The following AGMO variants were observed in gnomAD, a reference collection of about 807,000 sequenced individuals.
AGMO encodes the protein glyceryl-ether monooxygenase.
In AGMO, 75 loss-of-function variants were observed where a neutral mutation model predicts 60.2. That is an observed-to-expected ratio of 1.25 (90% CI 1.03 to 1.51). The LOEUF is 1.51. AGMO is among the 40% of genes most tolerant of loss of function. AGMO has a pLI of 0.00. For synonymous variants in AGMO, 261 were observed against 177.1 expected (o/e 1.47, Z -3.76); for missense variants, 763 against 525.5 (o/e 1.45, Z -4.42).
chr7:15,292,196 A>T (rs1583371534), intron 12 of AGMO, among the ~76,000 whole-genome samples: 1 of 152,284 alleles, frequency 6.6e-6, no homozygotes, highest in African/African-American at 2.4e-5. Flanking sequence ...CAGAGCAGAG[A>T]TTCTTCATCT....
At chr7:15,295,442 A>G (rs561290467) in intron 12 of AGMO, among the ~76,000 whole-genome samples, 3 of 152,218 alleles carry the variant, frequency 2.0e-5, no homozygotes, top group East Asian at 3.9e-4. Flanking sequence ...GTGGTTTAAT[A>G]TATTAGAATA....
At chr7:15,119,914 G>A in the AGMO span, among the ~76,000 whole-genome samples, 1 of 146,306 alleles carries the variant, frequency 6.8e-6, no homozygotes, top group Non-Finnish European at 1.5e-5. Context: ...TGTAGCACCA[G>A]AGATAAATCA....
intron 12 of AGMO, among the ~76,000 whole-genome samples, chr7:15,230,401 A>T (rs908873165): frequency 2.3e-4 from 35 of 152,110 alleles, no homozygotes; most frequent in African/African-American, 8.2e-4. Flanking sequence ...ATCCTACTTG[A>T]ATCTAGGCAA....
chr7:15,156,555 T>C, the AGMO span, among the ~76,000 whole-genome samples: 97 of 152,328 alleles, frequency 6.4e-4, no homozygotes, highest in Admixed American at 2.4e-3. Context: ...TCAGATGTTC[T>C]TGGGGGCTGT....
chr7:15,164,606 C>G, the AGMO span, among the ~76,000 whole-genome samples: 1 of 151,880 alleles, frequency 6.6e-6, no homozygotes, highest in Non-Finnish European at 1.5e-5. Flanking sequence ...AAGCAGCCAA[C>G]AAACGTATGA....
chr7:15,500,989 G>T (rs1783370486), intron 3 of AGMO, among the ~76,000 whole-genome samples: 1 of 151,804 alleles, frequency 6.6e-6, no homozygotes, highest in East Asian at 1.9e-4. Context: ...GTAATTGTAT[G>T]GTTTGGAACA....
the AGMO span, among the ~76,000 whole-genome samples, chr7:15,171,909 A>T: frequency 6.6e-6 from 1 of 152,184 alleles, no homozygotes; most frequent in Non-Finnish European, 1.5e-5. Context: ...AAAGGTGGAG[A>T]AACCCACATA....
rs981047599 is a variant in AGMO at position 15,561,743 on chromosome 7, C to G, written c.103G>C (p.Glu35Gln). The change falls in exon 1 of 13, where the codon GAG becomes CAG. Residue 35 changes from glutamate to glutamine, a missense_variant. Transcript: ENST00000342526. ...PSETSFQTLE[E>Q]VPDYVKKATP... ...ACCTTTTTTACATAATCAGGCACCT[C>G]TTCTAATGTTTGGAATGAAGTTTCA... 8.1e-6 allele frequency: 13 copies of G among 1,611,482 alleles called. No individual in the cohort carries two copies. The highest frequency in any genetic ancestry group is 3.3e-4 in the Middle Eastern group (2 of 6,072).
At chr7:15,369,923 T>C (rs1783134585) in intron 10 of AGMO, among the ~76,000 whole-genome samples, 1 of 152,178 alleles carries the variant, frequency 6.6e-6, no homozygotes, top group South Asian at 2.1e-4. Flanking sequence ...TCAAATTTTA[T>C]TTTAGGTTCA....
At chr7:15,535,094 C>T (rs891147097) in intron 3 of AGMO, among the ~76,000 whole-genome samples, 2 of 151,998 alleles carry the variant, frequency 1.3e-5, no homozygotes, top group Admixed American at 6.6e-5. Context: ...AGTGGCATAA[C>T]TTGCTTAATA....
intron 3 of AGMO, among the ~76,000 whole-genome samples, chr7:15,466,824 A>G (rs185692545): frequency 1.7e-3 from 254 of 152,306 alleles, no homozygotes; most frequent in Non-Finnish European, 2.7e-3. Flanking sequence ...AGTTGGTTCA[A>G]GCAAAATTAT....
At chr7:15,421,603 C>T (rs937889059) in intron 4 of AGMO, among the ~76,000 whole-genome samples, 9 of 152,108 alleles carry the variant, frequency 5.9e-5, no homozygotes, top group South Asian at 2.1e-4. Context: ...ATAGCAGTGT[C>T]GGAAGACACC....
At chr7:15,298,285 G>C (rs111643124) in intron 12 of AGMO, among the ~76,000 whole-genome samples, 2,424 of 152,196 alleles carry the variant, frequency 0.016, 46 homozygotes, top group African/African-American at 0.055. Flanking sequence ...TACTAAATCA[G>C]CTTTCTCCCG....
chr7:15,125,358 G>T, the AGMO span, among the ~76,000 whole-genome samples: 1 of 152,106 alleles, frequency 6.6e-6, no homozygotes, highest in Non-Finnish European at 1.5e-5. Context: ...TCTGCAGTTT[G>T]TGGCTAGAAG....
At chr7:15,560,765 G>A (rs938855136) in intron 1 of AGMO, among the ~76,000 whole-genome samples, 3 of 152,018 alleles carry the variant, frequency 2.0e-5, no homozygotes, top group African/African-American at 4.8e-5. Flanking sequence ...AGAGAATATG[G>A]TAATTTTACA....
downstream of AGMO, among the ~76,000 whole-genome samples, chr7:15,198,236 A>AGAGAGAGAGAGAGAGGGG (rs1563030426): frequency 8.6e-6 from 1 of 115,772 alleles, no homozygotes; most frequent in Non-Finnish European, 1.7e-5. Context: ...AGAGAGAGAG[A>AGAGAGAGAGAGAGAGGGG]GAGAGAGAGA....
chr7:15,322,333 C>T (rs115260693), intron 12 of AGMO, among the ~76,000 whole-genome samples: 2,382 of 144,598 alleles, frequency 0.016, 73 homozygotes, highest in African/African-American at 0.058. Flanking sequence ...CAGATATATG[C>T]CATACCAGTT....
the AGMO span, among the ~76,000 whole-genome samples, chr7:15,137,462 A>G: frequency 6.6e-6 from 1 of 152,160 alleles, no homozygotes; most frequent in Non-Finnish European, 1.5e-5. Context: ...AGTACTGTAG[A>G]GAATTTTGAA....
the AGMO span, among the ~76,000 whole-genome samples, chr7:15,167,071 A>G: frequency 0.023 from 3,481 of 152,266 alleles, 116 homozygotes; most frequent in African/African-American, 0.077. Context: ...AATTTCATCA[A>G]TAAGTTCTAA....
Sources: gnomAD v4.1 joint callset for allele counts (sites outside exome capture counted in the v4.1 genomes callset) on GRCh38, gnomAD v4.1.1 for gene constraint, MANE v1.5 for transcripts, NCBI Gene and HGNC (gene_info 2026-07-23, HGNC 2026-07-21) for gene names.